Variants in SYNE2 observed in about 807,000 individuals in gnomAD.
SYNE2 encodes the protein spectrin repeat containing nuclear envelope protein 2, also known as nesprin-2.
In SYNE2, 431 loss-of-function variants were observed where a neutral mutation model predicts 856.3. The ratio of observed to expected loss-of-function variants is 0.50; its 90% CI spans 0.47 to 0.55. SYNE2 has a LOEUF of 0.55. Ranked by LOEUF, SYNE2 falls within the 20% of genes least tolerant of loss-of-function variation. The probability of loss-of-function intolerance (pLI) is 0.00; values close to 1 mark genes in which losing one functional copy is unlikely to be tolerated. For missense variants in SYNE2, 8,129 were observed against 8,023.2 expected (o/e 1.01, Z -0.50); for synonymous variants, 2,923 against 2,872.3 (o/e 1.02, Z -0.56).
intron 1 of SYNE2, among the ~76,000 whole-genome samples, chr14:63,773,757 G>A (rs1384260885): frequency 6.6e-6 from 1 of 152,122 alleles, no homozygotes; most frequent in Non-Finnish European, 1.5e-5. Context: ...TGGTTATTAT[G>A]AGCAAGACTG....
chr14:64,074,252 A>G, intron 53 of SYNE2, 116 bp downstream of exon 53: 1 of 1,032,428 alleles, frequency 9.7e-7, no homozygotes, highest in Non-Finnish European at 1.5e-6. Context: ...CTGGGGAGAG[A>G]GAGAGAGGCA....
Position 64,119,568 on chromosome 14 carries a change from A to G in SYNE2, c.12982A>G (p.Lys4328Glu). ...KLKTVKCNLE[K>E]VQMMLQEKHS... ...GAAAACAGTGAAGTGCAATTTAGAA[A>G]AAGTCCAGATGATGCTTCAGGAGAA... The change falls in exon 67 of 116, where the codon AAA becomes GAA. Residue 4328 changes from lysine (K) to glutamate (E), a missense_variant. Physicochemically the swap from Lys to Glu is moderately conservative, Grantham distance 56. This residue lies in a region of SYNE2 where 5,410 missense variants were observed against 5,284.8 expected (regional missense o/e 1.02). Transcript: ENST00000555002. The G allele has an allele frequency of 1.9e-6, 3 of 1,614,204 alleles. No homozygotes were observed. Among genetic ancestry groups the G allele is most frequent in the Non-Finnish European group, 2.5e-6 (3 of 1,180,036 alleles).
intron 34 of SYNE2, among the ~76,000 whole-genome samples, chr14:64,018,825 A>G (rs998509859): frequency 3.3e-5 from 5 of 152,248 alleles, no homozygotes; most frequent in African/African-American, 1.2e-4. Flanking sequence ...ATGGCTGAGT[A>G]TCACCATCTT....
intron 1 of SYNE2, among the ~76,000 whole-genome samples, chr14:63,767,870 CA>C (rs1886745036): frequency 6.6e-6 from 1 of 152,084 alleles, no homozygotes; most frequent in African/African-American, 2.4e-5. Context: ...CATCATTTCA[CA>C]TTTTTTTGTG....
In SYNE2 at chr14:64,210,143, G is replaced by A; in HGVS notation, c.18723+19G>A. On this transcript the variant is annotated intron_variant, in intron 103 of 115. Transcript: ENST00000555002. ...ACTCAGGGTGAGCTCCTCTGCACCTGGCTCGGGTGTAGATTTTCCAGGAGA... is the reference window on the plus strand; with the variant it reads ...ACTCAGGGTGAGCTCCTCTGCACCTAGCTCGGGTGTAGATTTTCCAGGAGA... The A allele has an allele frequency of 6.2e-7, 1 of 1,611,872 alleles. No homozygotes were observed. Among genetic ancestry groups the A allele is most frequent in the Non-Finnish European group, 8.5e-7 (1 of 1,178,850 alleles).
chr14:63,937,169 A>G (rs534560375), intron 2 of SYNE2, among the ~76,000 whole-genome samples: 83 of 152,306 alleles, frequency 5.4e-4, no homozygotes, highest in Middle Eastern at 3.4e-3. Context: ...GTCGAATGGC[A>G]GGGACCTAAT....
intron 1 of SYNE2, among the ~76,000 whole-genome samples, chr14:63,784,010 A>G (rs191991130): frequency 6.6e-6 from 1 of 152,340 alleles, no homozygotes; most frequent in African/African-American, 2.4e-5. Context: ...GTTGCCCTCT[A>G]TACCTGGTAA....
chr14:63,952,998 A>G (rs1308794206), intron 7 of SYNE2, among the ~76,000 whole-genome samples: 1 of 152,180 alleles, frequency 6.6e-6, no homozygotes, highest in East Asian at 1.9e-4. Context: ...TGAAGCACAG[A>G]ATAGTGATGG....
At chr14:64,164,728 C>T (rs1045459977) in intron 89 of SYNE2, among the ~76,000 whole-genome samples, 5 of 152,096 alleles carry the variant, frequency 3.3e-5, no homozygotes, top group Admixed American at 2.6e-4. Flanking sequence ...TCTCCTCAGG[C>T]GGGTGATCTG....
At chr14:63,798,893 G>T (rs1888024593) in intron 1 of SYNE2, among the ~76,000 whole-genome samples, 1 of 152,140 alleles carries the variant, frequency 6.6e-6, no homozygotes, top group African/African-American at 2.4e-5. Flanking sequence ...TTGTTCGCTT[G>T]TCCAAATGGG....
chr14:64,024,761 T>C (rs1433973237), intron 39 of SYNE2, 151 bp from the exon 40 acceptor site: 3 of 875,158 alleles, frequency 3.4e-6, no homozygotes, highest in Non-Finnish European at 3.5e-6. Context: ...GGCTGTTAAT[T>C]AGATTTTTTA....
At position 64,202,924 on chromosome 14, in the gene SYNE2, C is replaced by G; in HGVS notation, c.18162C>G (p.Cys6054Trp). The G allele has an allele frequency of 3.1e-6, 5 of 1,614,140 alleles. No homozygotes were observed. The highest frequency in any genetic ancestry group is 4.2e-6 in the Non-Finnish European group (5 of 1,180,034). ...ELSKPVVYDV[C>W]DDQEIQKRLA... ...CCAAGCCTGTTGTTTATGATGTCTG[C>G]GATGATCAAGAGATCCAGAAGAGGC... Residue 6054 changes from cysteine (C) to tryptophan (W), a missense_variant, in exon 100 of 116, where the codon TGC (cysteine) becomes TGG (tryptophan). Cys to Trp is a radical substitution (Grantham distance 215). Transcript: ENST00000555002.
Position 64,007,094 on chromosome 14 carries a change from G to A in SYNE2, c.4449G>A (p.Glu1483=), listed in dbSNP as rs1217077342. ...AGGTTCTAGATGAATATGAAGAAGA[G>A]AAGAGACATTTACAAGAAATGGCTA... ...LDKVLDEYEE[E]KRHLQEMANS... The change falls in exon 31 of 116, where the codon GAG becomes GAA. Residue 1483 remains glutamate (E), a synonymous_variant. Transcript: ENST00000555002. 6 of 1,613,652 alleles carry A rather than the reference G, an allele frequency of 3.7e-6. No individual in the cohort carries two copies. Among genetic ancestry groups the A allele is most frequent in the Non-Finnish European group, 4.2e-6 (5 of 1,179,754 alleles).
Position 64,065,417 on chromosome 14 carries a change from C to A in SYNE2, c.10213-15C>A, listed in dbSNP as rs760804178. ...ATAGTATGTCCCTCTTATTTTTTTTCTTTTCTTTCTTAAGGCCTTGGTGTC... is the reference window on the plus strand; with the variant it reads ...ATAGTATGTCCCTCTTATTTTTTTTATTTTCTTTCTTAAGGCCTTGGTGTC... On this transcript the variant is annotated splice_polypyrimidine_tract_variant and intron_variant, in intron 50 of 115. Transcript: ENST00000555002. The A allele has an allele frequency of 6.2e-7, 1 of 1,607,554 alleles. No homozygotes were observed. The highest frequency in any genetic ancestry group is 1.3e-5 in the African/African-American group (1 of 74,434).
intron 54 of SYNE2, among the ~76,000 whole-genome samples, chr14:64,077,266 T>C (rs1367021294): frequency 1.3e-5 from 2 of 152,212 alleles, no homozygotes; most frequent in African/African-American, 2.4e-5. Flanking sequence ...TCTGTCCTAA[T>C]GTATCTCAAT....
At chr14:64,041,981 C>T (rs890430643) in intron 45 of SYNE2, among the ~76,000 whole-genome samples, 4 of 152,028 alleles carry the variant, frequency 2.6e-5, no homozygotes, top group Non-Finnish European at 5.9e-5. Flanking sequence ...ACACTACTAC[C>T]AGTAATTTTT....
At chr14:64,209,657 C>T in intron 102 of SYNE2, 79 bp downstream of exon 102, 1 of 1,584,474 alleles carries the variant, frequency 6.3e-7, no homozygotes, top group Non-Finnish European at 8.6e-7. Flanking sequence ...ATGACTTCCT[C>T]TAAGTAGCCA....
intron 57 of SYNE2, among the ~76,000 whole-genome samples, chr14:64,083,980 A>G (rs1261804371): frequency 2.0e-5 from 3 of 151,444 alleles, no homozygotes; most frequent in Non-Finnish European, 2.9e-5. Context: ...CCTGGAGTGC[A>G]ATGGTGCGAT....
At chr14:63,763,387 C>A (rs1019842433) in intron 1 of SYNE2, among the ~76,000 whole-genome samples, 1 of 151,956 alleles carries the variant, frequency 6.6e-6, no homozygotes. Context: ...ATCATTTATA[C>A]TTTATTTTGT....
Sources: allele counts gnomAD v4.1 joint callset (sites outside exome capture counted in the v4.1 genomes callset), GRCh38; gene constraint gnomAD v4.1.1; regional missense constraint gnomAD v4.1.1; transcripts MANE v1.5; gene names NCBI Gene and HGNC (gene_info 2026-07-23, HGNC 2026-07-21).